CYP7B1: variants seen among roughly 807,000 people sequenced by gnomAD.
CYP7B1 encodes cytochrome P450 7B1.
A neutral mutation model predicts 42.7 loss-of-function variants in CYP7B1; 29 were observed. The ratio of observed to expected loss-of-function variants is 0.68; its 90% CI spans 0.51 to 0.93. CYP7B1 has a LOEUF of 0.93. CYP7B1 is among the 40% of genes least tolerant of loss of function. The pLI, the probability that CYP7B1 is intolerant of heterozygous loss-of-function variation, is 0.00. For missense variants in CYP7B1, 655 were observed against 600.5 expected, an observed-to-expected ratio of 1.09 and a Z score of -0.95; for synonymous variants, 235 against 218.2, an observed-to-expected ratio of 1.08 and a Z score of -0.68.
intron 1 of CYP7B1, among the ~76,000 whole-genome samples, chr8:64,691,481 C>T (rs1240284347): frequency 1.1e-4 from 2 of 18,322 alleles, no homozygotes; most frequent in Admixed American, 6.7e-4. Context: ...GCGATGGCAA[C>T]TGGGGGGGGG....
At chr8:64,633,641 G>A (rs529756630) in intron 1 of CYP7B1, among the ~76,000 whole-genome samples, 37 of 152,120 alleles carry the variant, frequency 2.4e-4, no homozygotes, top group Non-Finnish European at 4.3e-4. Flanking sequence ...CTGAAATAGA[G>A]AGATATTCTA....
At chr8:64,744,665 T>G (rs1255963340) in intron 1 of CYP7B1, among the ~76,000 whole-genome samples, 12 of 152,208 alleles carry the variant, frequency 7.9e-5, no homozygotes, top group Admixed American at 7.9e-4. Context: ...TGACCCTTCT[T>G]TGAGATGTAC....
At chr8:64,601,079 T>C (rs969692542) in intron 5 of CYP7B1, among the ~76,000 whole-genome samples, 4 of 152,250 alleles carry the variant, frequency 2.6e-5, no homozygotes, top group African/African-American at 9.6e-5. Flanking sequence ...AGAGTACTTC[T>C]TTATCTGCCA....
intron 2 of CYP7B1, among the ~76,000 whole-genome samples, chr8:64,619,854 A>T (rs1396240086): frequency 1.3e-5 from 2 of 152,154 alleles, no homozygotes; most frequent in Non-Finnish European, 2.9e-5. Context: ...TTCATTTTAT[A>T]TATTTGGTGC....
chr8:64,736,020 G>C (rs1157606058), intron 1 of CYP7B1, among the ~76,000 whole-genome samples: 2 of 152,116 alleles, frequency 1.3e-5, no homozygotes, highest in Non-Finnish European at 2.9e-5. Context: ...ACTTCCTGGT[G>C]AGTAAATGCC....
chr8:64,615,624 CTTT>C, intron 3 of CYP7B1, 64 bp downstream of exon 3: 1 of 1,499,886 alleles, frequency 6.7e-7, no homozygotes, highest in Non-Finnish European at 9.2e-7. Context: ...GCCATTTTGT[CTTT>C]TTATTTCAGA....
intron 1 of CYP7B1, among the ~76,000 whole-genome samples, chr8:64,734,881 CTAT>C (rs1287880282): frequency 6.6e-6 from 1 of 152,168 alleles, no homozygotes; most frequent in Non-Finnish European, 1.5e-5. Flanking sequence ...AGGTTGGTCA[CTAT>C]TATAACTCAT....
downstream of CYP7B1, among the ~76,000 whole-genome samples, chr8:64,587,244 C>T (rs1194996401): frequency 1.3e-5 from 2 of 152,242 alleles, no homozygotes; most frequent in South Asian, 2.1e-4. Context: ...GCAGTGCTCC[C>T]GAAGGGATTC....
At chr8:64,661,326 T>G (rs1490432158) in intron 1 of CYP7B1, among the ~76,000 whole-genome samples, 5 of 152,222 alleles carry the variant, frequency 3.3e-5, no homozygotes, top group Non-Finnish European at 7.3e-5. Context: ...TTATAAATGT[T>G]TGCAAGAAGA....
chr8:64,624,636 G>T, intron 1 of CYP7B1, 97 bp from the exon 2 acceptor site: 2 of 1,362,048 alleles, frequency 1.5e-6, no homozygotes, highest in Non-Finnish European at 2.0e-6. Context: ...GAAGGTGACT[G>T]CATGGATTGC....
chr8:64,754,263 T>C (rs796371762), intron 1 of CYP7B1, among the ~76,000 whole-genome samples: 14 of 152,316 alleles, frequency 9.2e-5, no homozygotes, highest in African/African-American at 3.4e-4. Context: ...ATGATATGAT[T>C]ACATCACGAA....
chr8:64,597,036 T>C (rs1375125735), intron 5 of CYP7B1, 107 bp from the exon 6 acceptor site: 1 of 983,510 alleles, frequency 1.0e-6, no homozygotes, highest in African/African-American at 1.7e-5. Flanking sequence ...CTCCTTTTAA[T>C]CAGGTGAACA....
Position 64,591,707 on chromosome 8 carries a change from C to T in CYP7B1, c.*4935G>A, listed in dbSNP as rs1805035394. Among the ~76,000 whole-genome samples, 1 of 152,102 alleles carries T rather than the reference C, an allele frequency of 6.6e-6. No homozygotes were observed. The highest frequency in any genetic ancestry group is 1.5e-5 in the Non-Finnish European group (1 of 68,022). On this transcript the variant is annotated 3_prime_UTR_variant, in exon 6 of 6. Transcript: ENST00000310193. ...GTATGCCAGGAAAGCCAAAACAAGG[C>T]AGATAAAAGTTTTCTTCTAGGTTGC...
intron 1 of CYP7B1, among the ~76,000 whole-genome samples, chr8:64,789,555 T>A (rs1417862838): frequency 1.3e-5 from 2 of 152,236 alleles, no homozygotes; most frequent in Non-Finnish European, 2.9e-5. Context: ...CTCCACTTCT[T>A]CAATGCAGCG....
At chr8:64,643,112 TATATATAC>T (rs1272406219) in intron 1 of CYP7B1, among the ~76,000 whole-genome samples, 4 of 132,906 alleles carry the variant, frequency 3.0e-5, no homozygotes, top group African/African-American at 5.7e-5. Flanking sequence ...TATATATACA[TATATATAC>T]ATATATACAT....
intron 1 of CYP7B1, among the ~76,000 whole-genome samples, chr8:64,631,265 A>T (rs1447988788): frequency 6.6e-6 from 1 of 152,236 alleles, no homozygotes; most frequent in Non-Finnish European, 1.5e-5. Context: ...TACGCCAGGT[A>T]TGCAAGGCTG....
intron 1 of CYP7B1, 57 bp from the exon 2 acceptor site, chr8:64,624,596 C>T (rs1805580687): frequency 4.4e-6 from 7 of 1,593,584 alleles, no homozygotes; most frequent in Admixed American, 1.7e-5. Flanking sequence ...CATTCTTATT[C>T]GAATACAGGT....
intron 1 of CYP7B1, among the ~76,000 whole-genome samples, chr8:64,689,795 T>C (rs974206480): frequency 6.6e-6 from 1 of 152,090 alleles, no homozygotes; most frequent in African/African-American, 2.4e-5. Context: ...CTCGAACTCC[T>C]AACCTCAAAT....
At chr8:64,777,441 A>G (rs2129662139) in intron 1 of CYP7B1, among the ~76,000 whole-genome samples, 1 of 152,246 alleles carries the variant, frequency 6.6e-6, no homozygotes, top group South Asian at 2.1e-4. Context: ...AGAAGTTGAA[A>G]ACAATATTCA....
Sources: gnomAD v4.1 joint callset for allele counts (sites outside exome capture counted in the v4.1 genomes callset) on GRCh38, gnomAD v4.1.1 for gene constraint, MANE v1.5 for transcripts, NCBI Gene and HGNC (gene_info 2026-07-23, HGNC 2026-07-21) for gene names.